Variants in PVT1 observed in about 807,000 individuals in gnomAD.
PVT1 encodes CXCR4/PVT1 fusion.
At chr8:127,846,834 G>T (rs949973187) in intron 2 of PVT1, among the ~76,000 whole-genome samples, 2 of 151,406 alleles carry the variant, frequency 1.3e-5, no homozygotes, top group Non-Finnish European at 2.9e-5. Flanking sequence ...ACCACACCCA[G>T]CAAATTTTTT....
At chr8:127,920,800 T>TA (rs1816047445) in intron 3 of PVT1, among the ~76,000 whole-genome samples, 1 of 152,202 alleles carries the variant, frequency 6.6e-6, no homozygotes, top group Admixed American at 6.5e-5. Flanking sequence ...AAAACAGCTG[T>TA]AAAAAATTGT....
At chr8:127,802,199 G>C (rs546744197) in intron 2 of PVT1, among the ~76,000 whole-genome samples, 1 of 152,198 alleles carries the variant, frequency 6.6e-6, no homozygotes, top group African/African-American at 2.4e-5. Context: ...ACAGGTGTGA[G>C]CCACTGCACC....
intron 3 of PVT1, among the ~76,000 whole-genome samples, chr8:127,895,733 CACA>C (rs1815666817): frequency 6.6e-6 from 1 of 152,138 alleles, no homozygotes; most frequent in Admixed American, 6.5e-5. Flanking sequence ...TCCTAATTAG[CACA>C]ACATGCTAAG....
At chr8:127,799,959 G>A (rs901896137) in intron 2 of PVT1, among the ~76,000 whole-genome samples, 2 of 152,206 alleles carry the variant, frequency 1.3e-5, no homozygotes, top group Non-Finnish European at 2.9e-5. Flanking sequence ...AAATAAAGCT[G>A]CAGAAGTGGG....
At chr8:128,047,519 G>A (rs1813632100) in intron 4 of PVT1, among the ~76,000 whole-genome samples, 1 of 152,230 alleles carries the variant, frequency 6.6e-6, no homozygotes, top group Admixed American at 6.5e-5. Flanking sequence ...CCATTATCTT[G>A]TAAAGGACGC....
chr8:127,906,380 T>C (rs1815819927), intron 3 of PVT1, among the ~76,000 whole-genome samples: 1 of 152,158 alleles, frequency 6.6e-6, no homozygotes, highest in South Asian at 2.1e-4. Context: ...CCAAATGGCT[T>C]TGAGCCTTCC....
rs145960584 is a variant in PVT1 at position 127,805,908 on chromosome 8, C to T, written n.372+9837C>T. 3.9e-3 allele frequency among the ~76,000 whole-genome samples: 589 copies of T among 151,944 alleles called. 8 individuals are homozygous for T. Among genetic ancestry groups the T allele is most frequent in the African/African-American group, 0.013 (553 of 41,426 alleles). On this transcript the variant is annotated intron_variant and non_coding_transcript_variant, in intron 2 of 10. Transcript: ENST00000651587. ...GACACGAAGACTCAGTAGAAGTTAACCAGAAGAACAAAGTGTTAGCAGAAA... is the reference window on the plus strand; with the variant it reads ...GACACGAAGACTCAGTAGAAGTTAATCAGAAGAACAAAGTGTTAGCAGAAA...
At chr8:127,928,138 T>G (rs1563641931) in intron 3 of PVT1, among the ~76,000 whole-genome samples, 1 of 152,220 alleles carries the variant, frequency 6.6e-6, no homozygotes, top group Non-Finnish European at 1.5e-5. Context: ...AAAACTCTGC[T>G]GAGTCAGTTT....
intron 3 of PVT1, among the ~76,000 whole-genome samples, chr8:127,913,159 C>T (rs1257867497): frequency 6.6e-6 from 1 of 152,214 alleles, no homozygotes; most frequent in Non-Finnish European, 1.5e-5. Flanking sequence ...CTCTTCCCTC[C>T]CTTCTTGCTA....
At chr8:127,798,311 A>G (rs1814421182) in intron 2 of PVT1, among the ~76,000 whole-genome samples, 1 of 151,906 alleles carries the variant, frequency 6.6e-6, no homozygotes, top group Non-Finnish European at 1.5e-5. Flanking sequence ...TCTCAAAAAA[A>G]AAACAACAAG....
intron 5 of PVT1, among the ~76,000 whole-genome samples, chr8:128,075,381 T>C (rs766769036): frequency 1.3e-5 from 2 of 152,222 alleles, no homozygotes; most frequent in African/African-American, 2.4e-5. Context: ...TGGCACATAA[T>C]AGATGCTCAA....
At chr8:128,013,460 T>C (rs545158700) in intron 4 of PVT1, among the ~76,000 whole-genome samples, 1 of 152,204 alleles carries the variant, frequency 6.6e-6, no homozygotes, top group Non-Finnish European at 1.5e-5. Flanking sequence ...ATTTCTATTA[T>C]GGAATTGTAA....
intron 2 of PVT1, among the ~76,000 whole-genome samples, chr8:127,798,207 G>A (rs1286560848): frequency 6.6e-6 from 1 of 151,890 alleles, no homozygotes; most frequent in Non-Finnish European, 1.5e-5. Context: ...GGGAGTCTGA[G>A]GCAGGAGAAT....
chr8:127,850,391 A>G (rs1272141004), intron 2 of PVT1, among the ~76,000 whole-genome samples: 1 of 152,218 alleles, frequency 6.6e-6, no homozygotes, highest in Non-Finnish European at 1.5e-5. Flanking sequence ...TCAGGCCACC[A>G]GCATCTGTTG....
chr8:128,010,112 A>G (rs1586479812), intron 4 of PVT1: 2 of 152,190 alleles, frequency 1.3e-5, no homozygotes, highest in South Asian at 4.1e-4. Flanking sequence ...TCAAGCCTCT[A>G]TGTGACTGAT....
intron 2 of PVT1, among the ~76,000 whole-genome samples, chr8:127,853,053 C>T (rs1042843257): frequency 1.3e-5 from 2 of 152,186 alleles, no homozygotes; most frequent in African/African-American, 4.8e-5. Context: ...ATAAGTTTAT[C>T]GAGCATCTCC....
chr8:127,837,433 T>TAC (rs1814922788), intron 2 of PVT1, among the ~76,000 whole-genome samples: 2 of 151,580 alleles, frequency 1.3e-5, no homozygotes, highest in Admixed American at 1.3e-4. Flanking sequence ...AAGGGGAAAT[T>TAC]CGGAAACCTC....
intron 3 of PVT1, among the ~76,000 whole-genome samples, chr8:127,891,582 C>T (rs1056948976): frequency 3.4e-4 from 52 of 152,286 alleles, no homozygotes; most frequent in African/African-American, 9.9e-4. Flanking sequence ...TATTATCACA[C>T]GTCACAGGAC....
rs373613229 is a variant in PVT1, at chr8:128,039,560, C to G, written n.913-30600C>G. ...GGTCATGAGAGATAGGCAGCCATAC[C>G]TCAGGGGAGATGGTGGCTGGGGAGA... On this transcript the variant is annotated intron_variant and non_coding_transcript_variant, in intron 4 of 10. Transcript: ENST00000651587. Among the ~76,000 whole-genome samples, 9 of 152,300 alleles carry G rather than the reference C, an allele frequency of 5.9e-5. 1 individual carries two copies. Among genetic ancestry groups the G allele is most frequent in the African/African-American group, 1.7e-4 (7 of 41,576 alleles).
Sources: gnomAD v4.1 joint callset for allele counts (sites outside exome capture counted in the v4.1 genomes callset) on GRCh38, gnomAD v4.1.1 for gene constraint, MANE v1.5 for transcripts, NCBI Gene and HGNC (gene_info 2026-07-23, HGNC 2026-07-21) for gene names.